The following MYH9 variants were observed in gnomAD, a reference collection of about 807,000 sequenced individuals.
MYH9 encodes the protein myosin-9.
A neutral mutation model predicts 241.9 loss-of-function variants in MYH9; 29 were observed. The observed-to-expected ratio is 0.12, with a 90% CI of 0.09 to 0.16. The LOEUF (loss-of-function observed/expected upper bound fraction) is 0.16, where lower values mean the gene tolerates loss of function less well. MYH9 is among the 10% of genes least tolerant of loss of function. MYH9 has a pLI of 1.00. For synonymous variants in MYH9, 1,047 were observed against 1,062.6 expected (o/e 0.99, Z 0.29); for missense variants, 1,803 against 2,595.5 (o/e 0.69, Z 6.63).
At chr22:36,332,733 G>A (rs367905039) in intron 3 of MYH9, among the ~76,000 whole-genome samples, 7 of 138,548 alleles carry the variant, frequency 5.1e-5, no homozygotes, top group Non-Finnish European at 9.1e-5. Flanking sequence ...CAGACTAAGC[G>A]AGGCCCCAAA....
chr22:36,288,815 T>C lies in MYH9; in HGVS notation c.4682A>G (p.Asn1561Ser). ...TEDAKLRLEV[N>S]LQAMKAQFER... ...GAACTGGGCCTTCATGGCCTGCAGG[T>C]TGACCTCCAACCGCAGCTTGGCATC... Residue 1561 changes from asparagine (N) to serine (S), a missense_variant, in exon 33 of 41, where the codon AAC (asparagine) becomes AGC (serine). Asn to Ser is a conservative substitution (Grantham distance 46). Transcript: ENST00000216181. The surrounding 1 kb of genome is among the most constrained non-coding windows in gnomAD (Gnocchi z 4.8). The C allele has an allele frequency of 1.2e-6, 2 of 1,613,440 alleles. No homozygotes were observed. The highest frequency in any genetic ancestry group is 1.7e-6 in the Non-Finnish European group (2 of 1,179,978).
At position 36,318,203 on chromosome 22, in the gene MYH9, A is replaced by C. The variant is rs367551088; in HGVS notation, c.1227+4T>G. The stretch of plus-strand genomic sequence containing the variant: ...GCCAGCTGCCCTGGCCCCAGAGGAC[A>C]TACCTGCTCTTTAGTCTGCGCCTTC... On this transcript the variant is annotated splice_donor_region_variant and intron_variant, in intron 11 of 40. Coordinates refer to ENST00000216181, the MANE Select transcript of MYH9 (RefSeq NM_002473.6). 34 of 1,613,356 alleles carry C rather than the reference A, an allele frequency of 2.1e-5. No individual in the cohort carries two copies. Among genetic ancestry groups the C allele is most frequent in the Non-Finnish European group, 2.8e-5 (33 of 1,179,494 alleles).
chr22:36,347,470 C>G (rs1020088594), intron 2 of MYH9, among the ~76,000 whole-genome samples: 1 of 151,836 alleles, frequency 6.6e-6, no homozygotes, highest in African/African-American at 2.4e-5. Flanking sequence ...CAGTGGCTCA[C>G]GCCTGTAATC....
At chr22:36,319,297 A>T (rs1421807155) in intron 10 of MYH9, among the ~76,000 whole-genome samples, 1 of 152,210 alleles carries the variant, frequency 6.6e-6, no homozygotes, top group African/African-American at 2.4e-5. Flanking sequence ...GTTTGGTCTC[A>T]GGAATGAATA....
At position 36,292,083 on chromosome 22, in the gene MYH9, G is replaced by T. The variant is rs758626716; in HGVS notation, c.4247C>A (p.Thr1416Lys). Residue 1416 changes from threonine (T) to lysine (K), a missense_variant, in exon 31 of 41, where the codon ACG (threonine) becomes AAG (lysine). By Grantham distance (78) the Thr-to-Lys change is moderately conservative. This residue lies in a region of MYH9 where 876 missense variants were observed against 1,077.8 expected (regional missense o/e 0.81). Coordinates refer to ENST00000216181, the MANE Select transcript of MYH9 (RefSeq NM_002473.6). ...AAYDKLEKTK[T>K]RLQQELDDLL... is the part of the protein sequence containing the mutation. ...GTCGTCCAGCTCCTGCTGCAGCCGC[G>T]TCTTGGTCTTCTCCAGCTTGTCGTA... 6.2e-7 allele frequency: 1 copy of T among 1,614,160 alleles called. No individual in the cohort carries two copies. Among genetic ancestry groups the T allele is most frequent in the Admixed American group, 1.7e-5 (1 of 60,030 alleles).
chr22:36,309,175 A>AG, intron 15 of MYH9, 107 bp downstream of exon 15: 1 of 946,772 alleles, frequency 1.1e-6, no homozygotes, highest in Non-Finnish European at 1.7e-6. Flanking sequence ...GGCCTATGTC[A>AG]GGGGGCACAT....
Position 36,341,540 on chromosome 22 carries a change from C to T in MYH9, c.334-14G>A, listed in dbSNP as rs759855351. ...GCCTGAATAGGTCTAAAGAAAAGAG[C>T]GGCAGATAGGAACAGGTTAGGAAGT... On this transcript the variant is annotated splice_polypyrimidine_tract_variant and intron_variant, in intron 2 of 40. Coordinates refer to ENST00000216181, the MANE Select transcript of MYH9 (RefSeq NM_002473.6). 45 of 1,613,012 alleles carry T rather than the reference C, an allele frequency of 2.8e-5. No homozygotes were observed. The highest frequency in any genetic ancestry group is 5.9e-6 in the Non-Finnish European group (7 of 1,179,774).
chr22:36,321,665 A>G (rs1290162544), intron 7 of MYH9, 93 bp downstream of exon 7: 4 of 1,201,430 alleles, frequency 3.3e-6, no homozygotes, highest in Non-Finnish European at 5.0e-6. Flanking sequence ...CATAAAGGGG[A>G]AAGTGCTGGA....
chr22:36,306,109 T>C lies in MYH9; in HGVS notation c.2038-58A>G, dbSNP rs947526889. 6.2e-7 allele frequency: 1 copy of C among 1,607,644 alleles called. No homozygotes were observed. Among genetic ancestry groups the C allele is most frequent in the African/African-American group, 1.3e-5 (1 of 75,044 alleles). Reference sequence around the variant, plus strand: ...TTCCGTGCCTAGAACAGTCGGAGAATAGTCAGGGAACCCCTATGAACCTGA... The same window carrying C: ...TTCCGTGCCTAGAACAGTCGGAGAACAGTCAGGGAACCCCTATGAACCTGA... On this transcript the variant is annotated intron_variant, in intron 16 of 40. Coordinates refer to ENST00000216181, the MANE Select transcript of MYH9 (RefSeq NM_002473.6). This position sits in a 1 kb window ranked among gnomAD's most constrained non-coding sequence, Gnocchi z 4.1.
chr22:36,387,157 G>A (rs1316041134), intron 1 of MYH9, among the ~76,000 whole-genome samples: 1 of 152,074 alleles, frequency 6.6e-6, no homozygotes, highest in Non-Finnish European at 1.5e-5. Flanking sequence ...CCGGGCAGCC[G>A]CCGCACCTCC....
Position 36,325,232 on chromosome 22 carries a change from C to A in MYH9, c.612+1336G>T, listed in dbSNP as rs1349316094. ...ACTGTATTAGTTTCTAAATATAACT[C>A]CTGACGCCCCATGGAAAAAGATTCC... On this transcript the variant is annotated intron_variant, in intron 5 of 40. Transcript: ENST00000216181. The A allele has an allele frequency of 7.7e-6, 5 of 652,430 alleles. No individual in the cohort carries two copies. The Admixed American group carries it at 1.4e-4, about 18-fold the overall frequency. The allele number at this position is 652,430 out of a possible 1,614,324, so 40.4% of individuals were successfully genotyped here.
chr22:36,348,830 T>TGGGCCGGGGGGGGGGGGGG, intron 2 of MYH9, 74 bp downstream of exon 2: 1 of 1,117,210 alleles, frequency 9.0e-7, no homozygotes, highest in Non-Finnish European at 1.3e-6. Context: ...GTGAGGGTGA[T>TGGGCCGGGGGGGGGGGGGG]GGGAAGACCC....
chr22:36,328,423 C>T (rs554667396), intron 3 of MYH9, among the ~76,000 whole-genome samples: 1 of 152,310 alleles, frequency 6.6e-6, no homozygotes, highest in South Asian at 2.1e-4. Flanking sequence ...CGTTTTATCC[C>T]GCCCCATCTA....
At position 36,316,685 on chromosome 22, in the gene MYH9, G is replaced by A. The variant is rs186815044; in HGVS notation, c.1228-16C>T. The A allele has an allele frequency of 2.0e-4, 329 of 1,613,340 alleles. No homozygotes were observed. In the African/African-American group the frequency reaches 3.6e-3, roughly 18 times the overall value. On this transcript the variant is annotated splice_polypyrimidine_tract_variant and intron_variant, in intron 11 of 40. Coordinates refer to ENST00000216181, the MANE Select transcript of MYH9 (RefSeq NM_002473.6). Reference sequence around the variant, plus strand: ...CAAAGTCAGCCTGCGGGGCACACCCGGGGAGCGTGGTGTCAGATACAAAGG... The same window carrying A: ...CAAAGTCAGCCTGCGGGGCACACCCAGGGAGCGTGGTGTCAGATACAAAGG...
At chr22:36,284,586 C>T in intron 38 of MYH9, 75 bp from the exon 39 acceptor site, 2 of 1,415,960 alleles carry the variant, frequency 1.4e-6, no homozygotes, top group South Asian at 2.3e-5. Context: ...TAACCAGGAC[C>T]ACCCATTCCC....
At position 36,343,676 on chromosome 22, in the gene MYH9, C is replaced by T. The variant is rs193043138; in HGVS notation, c.334-2150G>A. ...GATAATTAGTCACTTGTTTTCCCTC[C>T]AACTGCTCTTTTCACAAGAGACCAG... On this transcript the variant is annotated intron_variant, in intron 2 of 40. Coordinates refer to ENST00000216181, the MANE Select transcript of MYH9 (RefSeq NM_002473.6). Among the ~76,000 whole-genome samples the T allele has an allele frequency of 9.9e-5, 15 of 152,240 alleles. 1 individual carries two copies. Among genetic ancestry groups the T allele is most frequent in the Admixed American group, 6.5e-4 (10 of 15,296 alleles).
At chr22:36,380,646 C>T (rs1311604987) in intron 1 of MYH9, among the ~76,000 whole-genome samples, 1 of 152,128 alleles carries the variant, frequency 6.6e-6, no homozygotes, top group Non-Finnish European at 1.5e-5. Context: ...GAGGCTGAGG[C>T]AGGAGAATCG....
intron 5 of MYH9, among the ~76,000 whole-genome samples, chr22:36,323,372 A>G (rs1304044228): frequency 1.3e-5 from 2 of 152,248 alleles, no homozygotes; most frequent in African/African-American, 4.8e-5. Context: ...CACCTGTGCA[A>G]CAGGCCCATG....
rs1378631325 is a variant in MYH9 at position 36,348,819 on chromosome 22, C to T, written c.333+85G>A. The T allele has an allele frequency of 7.7e-5, 98 of 1,266,904 alleles. 5 individuals carry two copies. Among genetic ancestry groups the T allele is most frequent in the Non-Finnish European group, 9.8e-5 (88 of 895,578 alleles). 78.5% of individuals were successfully genotyped at this position (1,266,904 alleles called of 1,614,324 possible). A position where few individuals can be genotyped will look rare whatever the true frequency, so the allele number is the denominator to read the frequency against. On this transcript the variant is annotated intron_variant, in intron 2 of 40. Transcript: ENST00000216181. Reference sequence around the variant, plus strand: ...CAACCAGAGAGCCAGGGCCCAGGCACGTGAGGGTGATGGGAAGACCCGCCC... The same window carrying T: ...CAACCAGAGAGCCAGGGCCCAGGCATGTGAGGGTGATGGGAAGACCCGCCC...
Sources: gnomAD v4.1 joint callset for allele counts (sites outside exome capture counted in the v4.1 genomes callset) on GRCh38, gnomAD v4.1.1 for gene constraint, gnomAD v4.1.1 regional missense constraint, Gnocchi (gnomAD v3.1) non-coding constraint, MANE v1.5 for transcripts, NCBI Gene and HGNC (gene_info 2026-07-23, HGNC 2026-07-21) for gene names.